Variants in PAK5 observed in about 807,000 individuals in gnomAD.
PAK5 encodes the protein p21 (RAC1) activated kinase 5.
Under a neutral mutation model 65.9 loss-of-function variants are expected in PAK5, and 16 were observed. The ratio of observed to expected loss-of-function variants is 0.24; its 90% CI spans 0.16 to 0.37. PAK5 has a LOEUF of 0.37. Among genes scored for constraint, PAK5 ranks in the 10% least tolerant of loss-of-function variants. The pLI, the probability that PAK5 is intolerant of heterozygous loss-of-function variation, is 1.00. For synonymous variants in PAK5, 371 were observed against 354.9 expected (o/e 1.05, Z -0.51); for missense variants, 785 against 903.9 (o/e 0.87, Z 1.69).
intron 3 of PAK5, among the ~76,000 whole-genome samples, chr20:9,638,763 T>C (rs1268884738): frequency 6.6e-6 from 1 of 152,144 alleles, no homozygotes; most frequent in African/African-American, 2.4e-5. Context: ...TGGGTAAGCC[T>C]GAGGTTCTAA....
At chr20:9,617,932 G>T (rs1417930751) in intron 3 of PAK5, among the ~76,000 whole-genome samples, 1 of 152,122 alleles carries the variant, frequency 6.6e-6, no homozygotes, top group Non-Finnish European at 1.5e-5. Flanking sequence ...CATGAGGTTT[G>T]TTGTCAAAGC....
At chr20:9,737,731 T>G (rs6056836) in intron 1 of PAK5, among the ~76,000 whole-genome samples, 109,413 of 152,140 alleles carry the variant, frequency 0.72, 39,624 homozygotes, top group South Asian at 0.89. Context: ...CATAAAATAT[T>G]TTCCATATCA....
chr20:9,620,346 T>C (rs1216836557), intron 3 of PAK5, among the ~76,000 whole-genome samples: 2 of 152,200 alleles, frequency 1.3e-5, no homozygotes, highest in Admixed American at 1.3e-4. Context: ...AAATTTGAAT[T>C]CAGGTCTCTT....
At chr20:9,706,975 T>C (rs2123476910) in intron 2 of PAK5, among the ~76,000 whole-genome samples, 1 of 152,286 alleles carries the variant, frequency 6.6e-6, no homozygotes, top group East Asian at 1.9e-4. Flanking sequence ...TAACTTTTAT[T>C]TTCTTGAATT....
At chr20:9,559,839 T>C (rs1289807174) in intron 6 of PAK5, among the ~76,000 whole-genome samples, 1 of 152,190 alleles carries the variant, frequency 6.6e-6, no homozygotes, top group Admixed American at 6.5e-5. Context: ...TGTTTTTGCC[T>C]GAAACAGAGG....
At chr20:9,819,694 T>C (rs540777697) in intron 1 of PAK5, among the ~76,000 whole-genome samples, 6 of 152,140 alleles carry the variant, frequency 3.9e-5, no homozygotes, top group Non-Finnish European at 5.9e-5. Context: ...TCCACTCTGA[T>C]TTCTGACTCT....
Position 9,567,486 on chromosome 20 carries a change from A to T in PAK5, c.991-1102T>A, listed in dbSNP as rs558163246. ...ATTAAAAATTCAGTTTCTCAATCAC[A>T]CTAGTCACATTTTAAGAACTCAGTA... On this transcript the variant is annotated intron_variant, in intron 4 of 9. Transcript: ENST00000353224. 7.3e-4 allele frequency among the ~76,000 whole-genome samples: 111 copies of T among 152,348 alleles called. 1 individual carries two copies. In the South Asian group the frequency reaches 0.013, roughly 18 times the overall value.
chr20:9,612,147 C>T (rs997477095), intron 3 of PAK5, among the ~76,000 whole-genome samples: 1 of 152,156 alleles, frequency 6.6e-6, no homozygotes, highest in Non-Finnish European at 1.5e-5. Flanking sequence ...AGCAGACCCC[C>T]AAATCTAATG....
intron 1 of PAK5, among the ~76,000 whole-genome samples, chr20:9,826,691 C>T (rs1448656811): frequency 6.6e-6 from 1 of 152,168 alleles, no homozygotes; most frequent in Non-Finnish European, 1.5e-5. Context: ...TTATTTCTCT[C>T]CCAAACTTTC....
At chr20:9,806,904 C>G (rs1030410046) in intron 1 of PAK5, among the ~76,000 whole-genome samples, 12 of 152,074 alleles carry the variant, frequency 7.9e-5, no homozygotes, top group African/African-American at 2.7e-4. Flanking sequence ...AATGTATTGG[C>G]AGAGCTGGTT....
At chr20:9,618,270 CT>C (rs943335459) in intron 3 of PAK5, among the ~76,000 whole-genome samples, 2 of 152,090 alleles carry the variant, frequency 1.3e-5, no homozygotes, top group African/African-American at 4.8e-5. Flanking sequence ...GTTTTAACCC[CT>C]CTAAATTATA....
intron 2 of PAK5, among the ~76,000 whole-genome samples, chr20:9,659,628 G>A (rs1182681865): frequency 6.6e-6 from 1 of 152,078 alleles, no homozygotes; most frequent in Non-Finnish European, 1.5e-5. Flanking sequence ...AAGAAGACTG[G>A]GCCAAATAAG....
At chr20:9,636,375 G>T (rs1387667052) in intron 3 of PAK5, among the ~76,000 whole-genome samples, 2 of 152,122 alleles carry the variant, frequency 1.3e-5, no homozygotes, top group African/African-American at 4.8e-5. Context: ...GAATGGGATG[G>T]CCAGACCTAA....
At chr20:9,816,068 G>A (rs563833865) in intron 1 of PAK5, among the ~76,000 whole-genome samples, 1 of 152,182 alleles carries the variant, frequency 6.6e-6, no homozygotes, top group East Asian at 1.9e-4. Flanking sequence ...GGAACTCTGG[G>A]GTCAGTACTT....
chr20:9,585,416 A>C (rs2123040629), intron 3 of PAK5, among the ~76,000 whole-genome samples: 1 of 152,322 alleles, frequency 6.6e-6, no homozygotes, highest in African/African-American at 2.4e-5. Context: ...GGTATGCTTT[A>C]GACTCTTTTA....
chr20:9,780,615 A>AAT (rs971686628), intron 1 of PAK5, among the ~76,000 whole-genome samples: 10 of 152,000 alleles, frequency 6.6e-5, no homozygotes, highest in South Asian at 4.1e-4. Context: ...TACTCATAGA[A>AAT]ATATATATAT....
chr20:9,555,021 G>A (rs1286854745), intron 7 of PAK5, among the ~76,000 whole-genome samples: 2 of 152,080 alleles, frequency 1.3e-5, no homozygotes, highest in East Asian at 1.9e-4. Flanking sequence ...ATTAATCCTA[G>A]GAAACTTAGT....
At chr20:9,623,136 G>T (rs147759605) in intron 3 of PAK5, among the ~76,000 whole-genome samples, 121 of 152,296 alleles carry the variant, frequency 7.9e-4, no homozygotes, top group Non-Finnish European at 1.4e-3. Context: ...GGAAGAAGAG[G>T]AATGGAAGAC....
At chr20:9,666,869 G>C (rs2047427150) in intron 2 of PAK5, among the ~76,000 whole-genome samples, 2 of 152,182 alleles carry the variant, frequency 1.3e-5, no homozygotes, top group Admixed American at 1.3e-4. Flanking sequence ...CAGTGAATCA[G>C]TGACAGATCT....
Sources: allele counts gnomAD v4.1 joint callset (sites outside exome capture counted in the v4.1 genomes callset), GRCh38; gene constraint gnomAD v4.1.1; transcripts MANE v1.5; gene names NCBI Gene and HGNC (gene_info 2026-07-23, HGNC 2026-07-21).